GRID2: variants seen among roughly 807,000 people sequenced by gnomAD.
GRID2 encodes the protein glutamate receptor ionotropic, delta-2.
Under a neutral mutation model 114.8 loss-of-function variants are expected in GRID2, and 33 were observed. The ratio of observed to expected loss-of-function variants is 0.29; its 90% CI spans 0.22 to 0.38. The LOEUF is 0.38. Ranked by LOEUF, GRID2 falls within the 10% of genes least tolerant of loss-of-function variation. The pLI, the probability that GRID2 is intolerant of heterozygous loss-of-function variation, is 1.00. For synonymous variants in GRID2, 505 were observed against 449.9 expected (o/e 1.12, Z -1.55); for missense variants, 1,184 against 1,257.7 (o/e 0.94, Z 0.89).
chr4:93,570,101 A>AT (rs70942976), intron 13 of GRID2, among the ~76,000 whole-genome samples: 16,422 of 152,214 alleles, frequency 0.11, 1,233 homozygotes, highest in Non-Finnish European at 0.16. Context: ...CTTCATTAAT[A>AT]TTTTTTAAAT....
intron 11 of GRID2, among the ~76,000 whole-genome samples, chr4:93,466,686 G>A (rs926412337): frequency 3.3e-5 from 5 of 152,106 alleles, no homozygotes; most frequent in African/African-American, 1.2e-4. Context: ...CTTCTGCCCC[G>A]GCCCTGTTTT....
intron 2 of GRID2, among the ~76,000 whole-genome samples, chr4:92,950,646 G>A (rs962475709): frequency 7.9e-5 from 12 of 152,094 alleles, no homozygotes; most frequent in African/African-American, 2.7e-4. Context: ...TACCAACGAA[G>A]CATGGCAATG....
rs563109141 is a variant in GRID2, at chr4:93,225,664, A to G, written c.1125+889A>G. On this transcript the variant is annotated intron_variant, in intron 7 of 15. Transcript: ENST00000282020. Reference sequence around the variant, plus strand: ...CCCTTAAAAAGTCAGAGTAAAATATAAAACTTTAATATTAGAAGTGAACTA... The same window carrying G: ...CCCTTAAAAAGTCAGAGTAAAATATGAAACTTTAATATTAGAAGTGAACTA... Among the ~76,000 whole-genome samples, 546 of 152,306 alleles carry G rather than the reference A, an allele frequency of 3.6e-3. 1 individual carries two copies. Among genetic ancestry groups the G allele is most frequent in the Admixed American group, 6.2e-3 (95 of 15,278 alleles).
chr4:92,649,231 A>G (rs1374905924), intron 2 of GRID2, among the ~76,000 whole-genome samples: 1 of 128,198 alleles, frequency 7.8e-6, no homozygotes, highest in Non-Finnish European at 1.7e-5. Flanking sequence ...CTATGGAGGT[A>G]GAGAATTCCC....
At chr4:93,667,560 G>A (rs1724059593) in intron 14 of GRID2, among the ~76,000 whole-genome samples, 1 of 151,928 alleles carries the variant, frequency 6.6e-6, no homozygotes, top group African/African-American at 2.4e-5. Flanking sequence ...GTTTCATGGA[G>A]AGCAGTGGCT....
chr4:92,379,124 A>G (rs183148423), intron 1 of GRID2, among the ~76,000 whole-genome samples: 1 of 152,116 alleles, frequency 6.6e-6, no homozygotes, highest in Non-Finnish European at 1.5e-5. Context: ...AATGACAACT[A>G]AATTTATTAT....
intron 13 of GRID2, among the ~76,000 whole-genome samples, chr4:93,523,013 G>T (rs941973054): frequency 6.6e-6 from 1 of 152,120 alleles, no homozygotes; most frequent in Non-Finnish European, 1.5e-5. Context: ...AGTGTTGCAG[G>T]GTCAGTTAGT....
chr4:93,181,874 T>C (rs1739929208), intron 4 of GRID2, among the ~76,000 whole-genome samples: 1 of 152,230 alleles, frequency 6.6e-6, no homozygotes, highest in Admixed American at 6.5e-5. Context: ...TTTTAAAATA[T>C]AGTGTAACAA....
intron 1 of GRID2, among the ~76,000 whole-genome samples, chr4:92,441,698 A>C (rs1487725823): frequency 1.5e-4 from 22 of 149,994 alleles, no homozygotes; most frequent in African/African-American, 3.2e-4. Flanking sequence ...AAGCGTGCTG[A>C]GGGATGGGAT....
chr4:93,522,295 G>A (rs988453503), intron 13 of GRID2, among the ~76,000 whole-genome samples: 2 of 152,168 alleles, frequency 1.3e-5, no homozygotes, highest in African/African-American at 2.4e-5. Flanking sequence ...TGAAGAAAGA[G>A]AAAATAGGAA....
chr4:92,783,093 A>T (rs1739161983), intron 2 of GRID2, among the ~76,000 whole-genome samples: 2 of 152,058 alleles, frequency 1.3e-5, no homozygotes, highest in African/African-American at 4.8e-5. Context: ...ATATATCATG[A>T]TTTTATGTAT....
At chr4:92,610,482 A>C (rs1470276048) in intron 2 of GRID2, among the ~76,000 whole-genome samples, 1 of 151,624 alleles carries the variant, frequency 6.6e-6, no homozygotes, top group Non-Finnish European at 1.5e-5. Flanking sequence ...CTTAGTAAGG[A>C]TATCCAATTC....
At chr4:93,578,847 C>G (rs938801000) in intron 13 of GRID2, among the ~76,000 whole-genome samples, 1 of 152,172 alleles carries the variant, frequency 6.6e-6, no homozygotes, top group Non-Finnish European at 1.5e-5. Flanking sequence ...CCCGCCTCGG[C>G]CTCCCAGAGT....
At chr4:92,380,402 T>C (rs775984399) in intron 1 of GRID2, among the ~76,000 whole-genome samples, 2 of 152,034 alleles carry the variant, frequency 1.3e-5, no homozygotes, top group Non-Finnish European at 2.9e-5. Flanking sequence ...CAGGTTGTTA[T>C]CTGTGAAATT....
chr4:93,781,353 G>A (rs1056844256), intron 1 of GRID2, among the ~76,000 whole-genome samples: 12 of 150,962 alleles, frequency 7.9e-5, no homozygotes, highest in Middle Eastern at 3.4e-3. Flanking sequence ...ACTGGGCTGC[G>A]GTGAGGGGCT....
chr4:92,654,617 G>C (rs943589555), intron 2 of GRID2, among the ~76,000 whole-genome samples: 12 of 151,886 alleles, frequency 7.9e-5, no homozygotes, highest in Admixed American at 7.9e-4. Flanking sequence ...CTTGGGTGAA[G>C]TGATATTTCA....
At chr4:92,964,571 T>C (rs1020457024) in intron 2 of GRID2, among the ~76,000 whole-genome samples, 1 of 151,986 alleles carries the variant, frequency 6.6e-6, no homozygotes, top group African/African-American at 2.4e-5. Context: ...ATCTGTTGTT[T>C]AGGGCAGCCC....
At position 93,772,212 on chromosome 4, in the gene GRID2, G is replaced by A. The variant is rs146980886; in HGVS notation, c.2738G>A (p.Arg913Gln). ...CTGGACATTGACACTTTGCCAACACGACAAGCACTGGAGCAAATCAGTGAT... is the reference window on the plus strand; with the variant it reads ...CTGGACATTGACACTTTGCCAACACAACAAGCACTGGAGCAAATCAGTGAT... The part of the protein sequence containing the change: ...TPLDIDTLPT[R>Q]QALEQISDFR... The change falls in exon 16 of 16, where the codon CGA (arginine) becomes CAA (glutamine). Residue 913 changes from arginine (R) to glutamine (Q), a missense_variant. By Grantham distance (43) the Arg-to-Gln change is conservative. Coordinates refer to ENST00000282020, the MANE Select transcript of GRID2 (RefSeq NM_001510.4). The A allele has an allele frequency of 6.8e-6, 11 of 1,613,922 alleles. No homozygotes were observed. The African/African-American group carries it at 9.3e-5, about 14-fold the overall frequency.
chr4:92,625,213 T>G (rs1342065641), intron 2 of GRID2, among the ~76,000 whole-genome samples: 1 of 151,842 alleles, frequency 6.6e-6, no homozygotes, highest in African/African-American at 2.4e-5. Flanking sequence ...TTCTTTAATT[T>G]AAAAGTTTTT....
Sources: allele counts gnomAD v4.1 joint callset (sites outside exome capture counted in the v4.1 genomes callset), GRCh38; gene constraint gnomAD v4.1.1; transcripts MANE v1.5; gene names NCBI Gene and HGNC (gene_info 2026-07-23, HGNC 2026-07-21).